ST8SIA1: variants seen among roughly 807,000 people sequenced by gnomAD.
ST8SIA1 encodes the protein alpha-N-acetylneuraminide alpha-2,8-sialyltransferase.
A neutral mutation model predicts 35.9 loss-of-function variants in ST8SIA1; 16 were observed. The ratio of observed to expected loss-of-function variants is 0.45; its 90% CI spans 0.30 to 0.68. The LOEUF is 0.68. ST8SIA1 is among the 30% of genes least tolerant of loss of function. The pLI, the probability that ST8SIA1 is intolerant of heterozygous loss-of-function variation, is 0.09. For synonymous variants in ST8SIA1, 170 were observed against 169.6 expected (o/e 1.00, Z -0.02); for missense variants, 383 against 453.6 (o/e 0.84, Z 1.41).
At chr12:22,310,279 G>A (rs910886817) in intron 1 of ST8SIA1, among the ~76,000 whole-genome samples, 1 of 152,186 alleles carries the variant, frequency 6.6e-6, no homozygotes, top group African/African-American at 2.4e-5. Flanking sequence ...AACACTAGGA[G>A]AAGGAAGGCA....
At chr12:22,276,283 G>A (rs1865967710) in intron 2 of ST8SIA1, among the ~76,000 whole-genome samples, 1 of 152,222 alleles carries the variant, frequency 6.6e-6, no homozygotes, top group Non-Finnish European at 1.5e-5. Flanking sequence ...AATATTCAAA[G>A]CAGCTAAACG....
At chr12:22,256,596 T>G (rs1865730644) in intron 2 of ST8SIA1, among the ~76,000 whole-genome samples, 1 of 152,178 alleles carries the variant, frequency 6.6e-6, no homozygotes, top group Non-Finnish European at 1.5e-5. Flanking sequence ...GGGCCTCATA[T>G]AGGCAGGAAG....
At chr12:22,255,057 T>G (rs2135796127) in intron 3 of ST8SIA1, among the ~76,000 whole-genome samples, 1 of 152,322 alleles carries the variant, frequency 6.6e-6, no homozygotes, top group South Asian at 2.1e-4. Context: ...TGGGTATCTC[T>G]GTTCCGCCTG....
chr12:22,229,928 C>T (rs1370121146), intron 4 of ST8SIA1, among the ~76,000 whole-genome samples: 2 of 152,066 alleles, frequency 1.3e-5, no homozygotes, highest in Admixed American at 6.5e-5. Context: ...AGGAAGATAA[C>T]AAGAAACAGT....
chr12:22,303,855 C>T (rs1866349364), intron 1 of ST8SIA1, among the ~76,000 whole-genome samples: 1 of 139,592 alleles, frequency 7.2e-6, no homozygotes, highest in African/African-American at 3.3e-5. Context: ...GCCACACACA[C>T]ACACACACAC....
chr12:22,249,186 C>A, intron 3 of ST8SIA1, 88 bp from the exon 4 acceptor site: 1 of 841,178 alleles, frequency 1.2e-6, no homozygotes, highest in Admixed American at 2.4e-5. Context: ...GTTATTAATT[C>A]TAGCTGAATT....
intron 2 of ST8SIA1, among the ~76,000 whole-genome samples, chr12:22,257,609 C>T (rs886543157): frequency 1.3e-5 from 2 of 151,730 alleles, no homozygotes; most frequent in Non-Finnish European, 1.5e-5. Context: ...GTGAGCCTCA[C>T]AGATCTCTGC....
intron 1 of ST8SIA1, among the ~76,000 whole-genome samples, chr12:22,327,172 C>G (rs1347076807): frequency 6.6e-6 from 1 of 152,182 alleles, no homozygotes; most frequent in Non-Finnish European, 1.5e-5. Flanking sequence ...GAGAAGTTAT[C>G]ATCAAACCAA....
intron 4 of ST8SIA1, among the ~76,000 whole-genome samples, chr12:22,245,111 C>A (rs1328325273): frequency 6.6e-6 from 1 of 152,164 alleles, no homozygotes; most frequent in Non-Finnish European, 1.5e-5. Context: ...AGCTTCTTTG[C>A]TATTCTCGGC....
intron 4 of ST8SIA1, among the ~76,000 whole-genome samples, chr12:22,233,749 A>G (rs1865444177): frequency 6.6e-6 from 1 of 152,166 alleles, no homozygotes; most frequent in Non-Finnish European, 1.5e-5. Context: ...CTGTCACAAA[A>G]GTTTTCACTG....
At chr12:22,239,595 A>G (rs1865516926) in intron 4 of ST8SIA1, among the ~76,000 whole-genome samples, 1 of 152,158 alleles carries the variant, frequency 6.6e-6, no homozygotes, top group South Asian at 2.1e-4. Context: ...ATATTTAGTA[A>G]TCTACTGCAT....
At chr12:22,230,854 G>A (rs78529781) in intron 4 of ST8SIA1, among the ~76,000 whole-genome samples, 2 of 152,022 alleles carry the variant, frequency 1.3e-5, no homozygotes, top group Admixed American at 6.5e-5. Flanking sequence ...AATTGGGGAG[G>A]GGGTAATGGA....
intron 4 of ST8SIA1, among the ~76,000 whole-genome samples, chr12:22,202,995 T>C (rs1342044697): frequency 6.6e-6 from 1 of 152,196 alleles, no homozygotes; most frequent in African/African-American, 2.4e-5. Flanking sequence ...AAACGTCTTA[T>C]ATCTGTTTTG....
chr12:22,332,320 G>T (rs1866778214), intron 1 of ST8SIA1, among the ~76,000 whole-genome samples: 1 of 152,158 alleles, frequency 6.6e-6, no homozygotes, highest in Non-Finnish European at 1.5e-5. Context: ...CTATCAGCCT[G>T]TGTGTCTCAG....
chr12:22,262,989 T>G (rs913985976), intron 2 of ST8SIA1, among the ~76,000 whole-genome samples: 1 of 152,184 alleles, frequency 6.6e-6, no homozygotes, highest in African/African-American at 2.4e-5. Flanking sequence ...TTTTTGAATC[T>G]AAAAACTTCA....
At chr12:22,252,850 A>G (rs996735897) in intron 3 of ST8SIA1, among the ~76,000 whole-genome samples, 2 of 152,214 alleles carry the variant, frequency 1.3e-5, no homozygotes, top group Admixed American at 1.3e-4. Context: ...ACACACATAC[A>G]CACTCATGAA....
chr12:22,258,727 T>C (rs1865754370), intron 2 of ST8SIA1, among the ~76,000 whole-genome samples: 1 of 152,222 alleles, frequency 6.6e-6, no homozygotes, highest in Non-Finnish European at 1.5e-5. Context: ...GTTCAACTAA[T>C]ATTTAGTTTG....
chr12:22,285,100 T>A (rs919402603), intron 2 of ST8SIA1, among the ~76,000 whole-genome samples: 7 of 152,250 alleles, frequency 4.6e-5, no homozygotes, highest in African/African-American at 1.7e-4. Flanking sequence ...TCTTTCCAGC[T>A]TCCTGCTGAA....
At chr12:22,236,657 C>A (rs1212221664) in intron 4 of ST8SIA1, among the ~76,000 whole-genome samples, 1 of 152,148 alleles carries the variant, frequency 6.6e-6, no homozygotes, top group Non-Finnish European at 1.5e-5. Context: ...CTGGGTGCAA[C>A]CCACTCTCAG....
Sources: gnomAD v4.1 joint callset for allele counts (sites outside exome capture counted in the v4.1 genomes callset) on GRCh38, gnomAD v4.1.1 for gene constraint, MANE v1.5 for transcripts, NCBI Gene and HGNC (gene_info 2026-07-23, HGNC 2026-07-21) for gene names.